Variants in TNS1 observed in about 807,000 individuals in gnomAD.
The protein encoded by TNS1 is tensin 1, also known as tensin-1.
Under a neutral mutation model 168.6 loss-of-function variants are expected in TNS1, and 62 were observed. The ratio of observed to expected loss-of-function variants is 0.37; its 90% CI spans 0.30 to 0.45. The LOEUF is 0.45. Among genes scored for constraint, TNS1 ranks in the 20% least tolerant of loss-of-function variants. The pLI is 1.00. For synonymous variants in TNS1, 934 were observed against 933.2 expected, an observed-to-expected ratio of 1.00 and a Z score of -0.02; for missense variants, 2,240 against 2,339.4, an observed-to-expected ratio of 0.96 and a Z score of 0.88.
In TNS1 at chr2:217,893,391, T is replaced by TGCGC. The variant is rs1553602104; in HGVS notation, c.717+44_717+47dup. 107 of 1,490,766 alleles carry TGCGC rather than the reference T, an allele frequency of 7.2e-5. No homozygotes were observed. In the African/African-American group the frequency reaches 8.7e-4, roughly 12 times the overall value. The allele number at this position is 1,490,766 out of a possible 1,614,324, so 92.3% of individuals were successfully genotyped here. The stretch of plus-strand genomic sequence containing the variant: ...TCAGGCACACACACATGTGCGCATG[T>TGCGC]GCGCGCGCGCACACACACACACACA... On this transcript the variant is annotated intron_variant, in intron 10 of 32. Transcript: ENST00000682258.
intron 18 of TNS1, among the ~76,000 whole-genome samples, chr2:217,862,780 C>T (rs1263344294): frequency 6.6e-6 from 1 of 152,242 alleles, no homozygotes; most frequent in Non-Finnish European, 1.5e-5. Flanking sequence ...AGTCAGATGC[C>T]ATGAGATGGG....
At chr2:218,022,581 C>A (rs1958815039) in intron 1 of TNS1, among the ~76,000 whole-genome samples, 1 of 151,986 alleles carries the variant, frequency 6.6e-6, no homozygotes, top group African/African-American at 2.4e-5. Flanking sequence ...GTCCCCCTGC[C>A]TGGCCTTGGG....
At chr2:217,818,828 G>C in intron 23 of TNS1, 69 bp from the exon 24 acceptor site, 1 of 1,312,154 alleles carries the variant, frequency 7.6e-7, no homozygotes, top group Non-Finnish European at 1.1e-6. Context: ...ACAGCAGGCT[G>C]TCTGCCCTCC....
rs2125968361 is a variant in TNS1, at chr2:217,948,202, ATTCCCAGCAGGGAGGGGTCGG to A, written c.187-27987_187-27967del. ...CTGAGCTGCGCTAAAAGCTGACAAGATTCCCAGCAGGGAGGGGTCGGTTCCCCAACTCTTCCTGTGATGGGT... is the reference window on the plus strand; with the variant it reads ...CTGAGCTGCGCTAAAAGCTGACAAGATTCCCCAACTCTTCCTGTGATGGGT... On this transcript the variant is annotated intron_variant, in intron 3 of 32. Coordinates refer to ENST00000682258, the MANE Select transcript of TNS1 (RefSeq NM_001387777.1). The surrounding 1 kb of genome is among the most constrained non-coding windows in gnomAD (Gnocchi z 4.1). 1.3e-5 allele frequency among the ~76,000 whole-genome samples: 2 copies of A among 152,302 alleles called. No homozygotes were observed. Among genetic ancestry groups the A allele is most frequent in the African/African-American group, 4.8e-5 (2 of 41,566 alleles).
intron 13 of TNS1, 82 bp downstream of exon 13, chr2:217,886,452 C>G: frequency 8.6e-6 from 10 of 1,159,676 alleles, no homozygotes; most frequent in Non-Finnish European, 1.3e-5. Flanking sequence ...TCTGTTACTA[C>G]CCAAGGTTGC....
At chr2:217,952,902 A>G (rs933030748) in intron 3 of TNS1, among the ~76,000 whole-genome samples, 2 of 152,220 alleles carry the variant, frequency 1.3e-5, no homozygotes, top group African/African-American at 4.8e-5. Flanking sequence ...TGAGCAGCCC[A>G]GTCCTTTCCT....
At chr2:217,898,567 C>T (rs374491242) in intron 7 of TNS1, among the ~76,000 whole-genome samples, 44 of 152,336 alleles carry the variant, frequency 2.9e-4, no homozygotes, top group African/African-American at 9.9e-4. Flanking sequence ...CCAGCCCTCC[C>T]GGAGGCAGGC....
chr2:217,952,102 C>G (rs896402563), intron 3 of TNS1, among the ~76,000 whole-genome samples: 1 of 152,218 alleles, frequency 6.6e-6, no homozygotes, highest in African/African-American at 2.4e-5. Context: ...CAACACAAAT[C>G]GTGCTGAGTG....
At chr2:218,030,322 G>T (rs1412238157) in intron 1 of TNS1, among the ~76,000 whole-genome samples, 1 of 152,192 alleles carries the variant, frequency 6.6e-6, no homozygotes, top group East Asian at 1.9e-4. Flanking sequence ...TCCTCATTCA[G>T]ATGTCACTTC....
chr2:217,961,392 C>G (rs1957493971), intron 3 of TNS1, among the ~76,000 whole-genome samples: 1 of 152,090 alleles, frequency 6.6e-6, no homozygotes, highest in Non-Finnish European at 1.5e-5. Flanking sequence ...TCGGCACCAC[C>G]TTAGCCTCTC....
chr2:217,943,085 G>A (rs1956996670), intron 3 of TNS1, among the ~76,000 whole-genome samples: 1 of 152,124 alleles, frequency 6.6e-6, no homozygotes, highest in African/African-American at 2.4e-5. Context: ...GGTGGGGGGA[G>A]AGGGAGGAGC....
intron 3 of TNS1, among the ~76,000 whole-genome samples, chr2:217,969,645 A>G (rs189971212): frequency 5.2e-4 from 79 of 152,362 alleles, no homozygotes; most frequent in African/African-American, 1.8e-3. Context: ...TTCTCCAAAA[A>G]AGATACACAA....
In TNS1 at chr2:218,033,284, C is replaced by T. The variant is rs60845178; in HGVS notation, c.156+536G>A. ...CCTGCCTCCCAGCTCAGACCTGTCCCCACTGCCAGGTCAGCTCCCCACTTG... is the reference window on the plus strand; with the variant it reads ...CCTGCCTCCCAGCTCAGACCTGTCCTCACTGCCAGGTCAGCTCCCCACTTG... On this transcript the variant is annotated intron_variant, in intron 1 of 1. Transcript: ENST00000649572. The surrounding 1 kb of genome is among the most constrained non-coding windows in gnomAD (Gnocchi z 4.3). Among the ~76,000 whole-genome samples, 1,738 of 152,108 alleles carry T rather than the reference C, an allele frequency of 0.011. 31 individuals carry two copies. Among genetic ancestry groups the T allele is most frequent in the African/African-American group, 0.039 (1,609 of 41,520 alleles).
At chr2:217,917,071 G>A (rs560304663) in intron 4 of TNS1, among the ~76,000 whole-genome samples, 3 of 152,304 alleles carry the variant, frequency 2.0e-5, no homozygotes, top group African/African-American at 7.2e-5. Flanking sequence ...GAGTGCTCCT[G>A]GGGAAGCCAA....
At chr2:217,885,239 G>C (rs574859381) in intron 15 of TNS1, 75 bp from the exon 16 acceptor site, 8 of 1,593,336 alleles carry the variant, frequency 5.0e-6, no homozygotes, top group African/African-American at 1.3e-5. Context: ...CTCCTTATCA[G>C]CTCCGCTGAC....
chr2:217,957,776 T>C (rs150243354), intron 3 of TNS1, among the ~76,000 whole-genome samples: 8 of 146,406 alleles, frequency 5.5e-5, no homozygotes, highest in African/African-American at 1.8e-4. Flanking sequence ...CTATTAAAGA[T>C]GCATACTGAA....
chr2:218,002,693 T>A, intron 1 of TNS1, 147 bp downstream of exon 1: 7 of 430,066 alleles, frequency 1.6e-5, no homozygotes, highest in South Asian at 1.2e-4. Context: ...AGTCTGTCCT[T>A]CTGTAGGTCA....
rs146599905 is a variant in TNS1 at position 217,965,435 on chromosome 2, T to G, written c.186+13330A>C. Among the ~76,000 whole-genome samples the G allele has an allele frequency of 7.2e-4, 109 of 152,314 alleles. 2 individuals are homozygous for G. In the South Asian group the frequency reaches 0.016, roughly 22 times the overall value. On this transcript the variant is annotated intron_variant, in intron 3 of 32. Coordinates refer to ENST00000682258, the MANE Select transcript of TNS1 (RefSeq NM_001387777.1). ...GTAAATAGCAGAGTCAAGAGCCTCC[T>G]AAGCCGGAGGCCACAGGGACTCCAA...
chr2:217,829,920 G>A (rs759960347), intron 22 of TNS1: 21 of 1,611,462 alleles, frequency 1.3e-5, no homozygotes, highest in Non-Finnish European at 1.8e-5. Context: ...AGGAAGGAGA[G>A]GCAGGAAAGA....
Sources: gnomAD v4.1 joint callset for allele counts (sites outside exome capture counted in the v4.1 genomes callset) on GRCh38, gnomAD v4.1.1 for gene constraint, Gnocchi (gnomAD v3.1) non-coding constraint, MANE v1.5 for transcripts, NCBI Gene and HGNC (gene_info 2026-07-23, HGNC 2026-07-21) for gene names.